LRRC7: variants seen among roughly 807,000 people sequenced by gnomAD.
The protein encoded by LRRC7 is leucine rich repeat containing 7, also known as leucine-rich repeat-containing protein 7.
In LRRC7, 23 loss-of-function variants were observed where a neutral mutation model predicts 175.7. The observed-to-expected ratio is 0.13, with a 90% CI of 0.09 to 0.19. The LOEUF is 0.19. Ranked by LOEUF, LRRC7 falls within the 10% of genes least tolerant of loss-of-function variation. The pLI is 1.00. For missense variants in LRRC7, 1,354 were observed against 1,904.7 expected, an observed-to-expected ratio of 0.71 and a Z score of 5.38; for synonymous variants, 685 against 680.9, an observed-to-expected ratio of 1.01 and a Z score of -0.09.
At chr1:70,064,031 T>C (rs1212329017) in intron 23 of LRRC7, among the ~76,000 whole-genome samples, 1 of 152,020 alleles carries the variant, frequency 6.6e-6, no homozygotes, top group Non-Finnish European at 1.5e-5. Flanking sequence ...TGAAGTATAT[T>C]ACCAGTATCT....
At chr1:69,664,039 G>A (rs1570247203) in intron 1 of LRRC7, among the ~76,000 whole-genome samples, 1 of 152,088 alleles carries the variant, frequency 6.6e-6, no homozygotes, top group African/African-American at 2.4e-5. Flanking sequence ...ATTTTTATAA[G>A]TGTGAGCATG....
At chr1:69,923,141 A>G (rs1646946409) in intron 7 of LRRC7, among the ~76,000 whole-genome samples, 1 of 152,204 alleles carries the variant, frequency 6.6e-6, no homozygotes, top group Non-Finnish European at 1.5e-5. Flanking sequence ...TACAAAGGAC[A>G]TGAACTCTTC....
At chr1:69,919,537 C>A in intron 7 of LRRC7, 1 of 797,488 alleles carries the variant, frequency 1.3e-6, no homozygotes, top group Non-Finnish European at 2.1e-6. Flanking sequence ...CTCGCACCTG[C>A]TAGTGAAGCC....
chr1:69,761,288 T>C (rs1011818139), intron 3 of LRRC7, among the ~76,000 whole-genome samples: 2 of 151,996 alleles, frequency 1.3e-5, no homozygotes, highest in Admixed American at 6.6e-5. Flanking sequence ...TAAAAATGTA[T>C]ATTAAATATG....
intron 1 of LRRC7, among the ~76,000 whole-genome samples, chr1:69,619,388 G>C (rs1650198429): frequency 6.8e-6 from 1 of 148,088 alleles, no homozygotes. Context: ...CTCGCTTACT[G>C]TCAAAACACC....
chr1:69,832,219 G>A (rs1247844574), intron 5 of LRRC7, among the ~76,000 whole-genome samples: 1 of 152,034 alleles, frequency 6.6e-6, no homozygotes, highest in Non-Finnish European at 1.5e-5. Flanking sequence ...CACATACCAG[G>A]GTTATCAAAC....
chr1:69,943,989 A>G (rs542783884), intron 8 of LRRC7, among the ~76,000 whole-genome samples: 1 of 138,170 alleles, frequency 7.2e-6, no homozygotes, highest in Non-Finnish European at 1.6e-5. Context: ...CACACACACA[A>G]CATGAGATTT....
intron 8 of LRRC7, among the ~76,000 whole-genome samples, chr1:69,954,330 T>C (rs181370806): frequency 7.2e-5 from 11 of 152,126 alleles, no homozygotes; most frequent in Admixed American, 1.3e-4. Flanking sequence ...AAGATGAGGC[T>C]GCCTCCCCAC....
intron 25 of LRRC7, among the ~76,000 whole-genome samples, chr1:70,099,703 G>A (rs826900): frequency 0.75 from 113,246 of 151,992 alleles, 42,298 homozygotes; most frequent in Middle Eastern, 0.83. Context: ...AAGAATAGCT[G>A]AAAAGAAGAA....
intron 1 of LRRC7, among the ~76,000 whole-genome samples, chr1:69,667,585 T>C (rs1460398321): frequency 6.6e-6 from 1 of 152,228 alleles, no homozygotes; most frequent in Non-Finnish European, 1.5e-5. Context: ...ATACTATTCA[T>C]CCTGAAATAT....
At chr1:69,729,774 T>A (rs1277522781) in intron 2 of LRRC7, among the ~76,000 whole-genome samples, 1 of 152,126 alleles carries the variant, frequency 6.6e-6, no homozygotes, top group African/African-American at 2.4e-5. Flanking sequence ...TTCTCACAGC[T>A]CCTCTAGGAA....
intron 2 of LRRC7, among the ~76,000 whole-genome samples, chr1:69,719,559 A>T (rs1363953747): frequency 6.6e-6 from 1 of 151,642 alleles, no homozygotes; most frequent in Non-Finnish European, 1.5e-5. Flanking sequence ...TTGACCTAGC[A>T]TTATAGACTT....
chr1:69,610,101 T>A (rs1368885024), intron 1 of LRRC7, among the ~76,000 whole-genome samples: 1 of 152,070 alleles, frequency 6.6e-6, no homozygotes, highest in Non-Finnish European at 1.5e-5. Flanking sequence ...TCAGTGTATA[T>A]CTCTGACAGA....
chr1:69,895,232 C>CA (rs968827807), intron 7 of LRRC7, among the ~76,000 whole-genome samples: 9 of 151,298 alleles, frequency 5.9e-5, no homozygotes, highest in African/African-American at 1.2e-4. Flanking sequence ...AACTCCATCT[C>CA]AAAAAAAACA....
At chr1:69,803,027 G>A (rs1676703891) in intron 4 of LRRC7, among the ~76,000 whole-genome samples, 1 of 151,120 alleles carries the variant, frequency 6.6e-6, no homozygotes, top group Non-Finnish European at 1.5e-5. Context: ...ACATTGTGTA[G>A]TCCTTTGTTT....
At chr1:69,629,339 G>C (rs528361417) in intron 1 of LRRC7, among the ~76,000 whole-genome samples, 12 of 152,228 alleles carry the variant, frequency 7.9e-5, no homozygotes, top group Admixed American at 3.3e-4. Context: ...GTTGAATAGA[G>C]ATTTTGTTTG....
chr1:70,075,925 G>T, intron 23 of LRRC7, 152 bp from the exon 24 acceptor site: 1 of 720,194 alleles, frequency 1.4e-6, no homozygotes, highest in East Asian at 2.7e-5. Context: ...ACAGTAGGCA[G>T]ACCCTTACTG....
intron 24 of LRRC7, among the ~76,000 whole-genome samples, chr1:70,085,045 C>A (rs1374971917): frequency 2.6e-5 from 4 of 152,014 alleles, no homozygotes; most frequent in Admixed American, 2.6e-4. Flanking sequence ...GGATATACAA[C>A]CCTAATCAGA....
chr1:69,739,655 A>G (rs555087175), intron 2 of LRRC7, among the ~76,000 whole-genome samples: 1 of 152,236 alleles, frequency 6.6e-6, no homozygotes, highest in South Asian at 2.1e-4. Context: ...TTATCAAAGG[A>G]AAAGTGAGCT....
Sources: gnomAD v4.1 joint callset for allele counts (sites outside exome capture counted in the v4.1 genomes callset) on GRCh38, gnomAD v4.1.1 for gene constraint, MANE v1.5 for transcripts, NCBI Gene and HGNC (gene_info 2026-07-23, HGNC 2026-07-21) for gene names.